The following RASAL2 variants were observed in gnomAD, a reference collection of about 807,000 sequenced individuals.
The protein encoded by RASAL2 is RAS protein activator like 2, also known as ras GTPase-activating protein nGAP.
RASAL2 carries 58 observed loss-of-function variants against 128.9 expected under a neutral mutation model. The observed-to-expected ratio is 0.45, with a 90% confidence interval of 0.36 to 0.56. RASAL2 has a LOEUF of 0.56. Ranked by LOEUF, RASAL2 falls within the 20% of genes least tolerant of loss-of-function variation. RASAL2 has a pLI of 0.00. For synonymous variants in RASAL2, 561 were observed against 580.8 expected (o/e 0.97, Z 0.49); for missense variants, 1,360 against 1,601.6 (o/e 0.85, Z 2.57).
intron 6 of RASAL2, among the ~76,000 whole-genome samples, chr1:178,440,129 A>G (rs1425007732): frequency 6.6e-6 from 1 of 152,100 alleles, no homozygotes; most frequent in African/African-American, 2.4e-5. Context: ...GCCAACTATC[A>G]TAAGGTAATT....
chr1:178,234,416 G>A (rs1454894110), intron 1 of RASAL2, among the ~76,000 whole-genome samples: 2 of 152,144 alleles, frequency 1.3e-5, no homozygotes, highest in Non-Finnish European at 2.9e-5. Flanking sequence ...AGCCAAGCAT[G>A]CAAATCTTGA....
intron 4 of RASAL2, among the ~76,000 whole-genome samples, chr1:178,418,948 C>G (rs1183020459): frequency 3.3e-5 from 5 of 152,118 alleles, no homozygotes; most frequent in African/African-American, 4.8e-5. Flanking sequence ...ACAGCATAGA[C>G]AGGATCCCAC....
chr1:178,449,856 A>G lies in RASAL2; in HGVS notation c.1628-1715A>G, dbSNP rs765090116. Among the ~76,000 whole-genome samples the G allele has an allele frequency of 9.9e-5, 15 of 152,154 alleles. 1 individual carries two copies. Among genetic ancestry groups the G allele is most frequent in the Non-Finnish European group, 4.4e-5 (3 of 67,984 alleles). ...ACTTTTCTTGAAGAATTAAAGAAAA[A>G]TATGGTTAATATTCATGTTTTTTAT... is the stretch of plus-strand genomic sequence containing the variant. On this transcript the variant is annotated intron_variant, in intron 9 of 17. Coordinates refer to ENST00000367649, the MANE Select transcript of RASAL2 (RefSeq NM_170692.4).
chr1:178,464,481 T>C, intron 15 of RASAL2, 69 bp downstream of exon 15: 1 of 1,568,964 alleles, frequency 6.4e-7, no homozygotes, highest in Non-Finnish European at 8.6e-7. Context: ...GTTATCTAGC[T>C]AAGAACATAA....
intron 1 of RASAL2, among the ~76,000 whole-genome samples, chr1:178,233,549 A>G (rs896386862): frequency 5.3e-5 from 8 of 152,220 alleles, no homozygotes; most frequent in African/African-American, 1.9e-4. Context: ...GTAATAAAGG[A>G]GACCTGGTTG....
chr1:178,112,521 G>A (rs148326179), intron 1 of RASAL2, among the ~76,000 whole-genome samples: 5,653 of 151,952 alleles, frequency 0.037, 158 homozygotes, highest in South Asian at 0.083. Context: ...CTGCACTCCC[G>A]CCTGGGTGAC....
At chr1:178,218,784 A>C (rs1316402575) in intron 1 of RASAL2, among the ~76,000 whole-genome samples, 1 of 152,248 alleles carries the variant, frequency 6.6e-6, no homozygotes, top group Non-Finnish European at 1.5e-5. Context: ...ATTTAGCATA[A>C]TTCATACGGG....
At chr1:178,172,743 C>T (rs918081944) in intron 1 of RASAL2, among the ~76,000 whole-genome samples, 1 of 152,014 alleles carries the variant, frequency 6.6e-6, no homozygotes, top group African/African-American at 2.4e-5. Context: ...AGTCCTTGCA[C>T]CTATGTGTAG....
chr1:178,251,383 G>T (rs73033476), intron 1 of RASAL2, among the ~76,000 whole-genome samples: 2,051 of 152,268 alleles, frequency 0.013, 48 homozygotes, highest in African/African-American at 0.046. Context: ...GAGTGTTGAT[G>T]CTTCCGTTAG....
rs138330334 is a variant in RASAL2 at position 178,106,660 on chromosome 1, T to C, written c.202+11966T>C. The stretch of plus-strand genomic sequence containing the variant: ...AAATTTATATTCCTGTTTTTGAATC[T>C]AGCTTGATAACATGATTAAGAAAAA... On this transcript the variant is annotated intron_variant, in intron 1 of 17. Coordinates refer to ENST00000367649, the MANE Select transcript of RASAL2 (RefSeq NM_170692.4). 2.6e-3 allele frequency among the ~76,000 whole-genome samples: 393 copies of C among 152,340 alleles called. 2 individuals are homozygous for C. The highest frequency in any genetic ancestry group is 9.0e-3 in the African/African-American group (376 of 41,582).
chr1:178,298,987 G>C (rs1357426663), intron 2 of RASAL2, among the ~76,000 whole-genome samples: 2 of 150,872 alleles, frequency 1.3e-5, no homozygotes, highest in Non-Finnish European at 3.0e-5. Context: ...AACCTGCTTT[G>C]TAAGTCTTAA....
Position 178,117,087 on chromosome 1 carries a change from C to T in RASAL2, c.202+22393C>T, listed in dbSNP as rs147644079. ...TAAGAAAGGTATTGTTCTTAATTTA[C>T]AGATTTATGCCATATATTGAAGAAC... On this transcript the variant is annotated intron_variant, in intron 1 of 17. Transcript: ENST00000367649. Among the ~76,000 whole-genome samples the T allele has an allele frequency of 3.3e-5, 5 of 152,206 alleles. No homozygotes were observed. The East Asian group carries it at 9.6e-4, about 29-fold the overall frequency.
chr1:178,412,774 G>C (rs1252375465), intron 4 of RASAL2, among the ~76,000 whole-genome samples: 1 of 152,116 alleles, frequency 6.6e-6, no homozygotes, highest in African/African-American at 2.4e-5. Flanking sequence ...GCTTAGTGTG[G>C]CCAAGTTTGA....
chr1:178,161,110 C>CT (rs1476884043), intron 1 of RASAL2, among the ~76,000 whole-genome samples: 24 of 8,902 alleles, frequency 2.7e-3, no homozygotes, highest in Middle Eastern at 0.05. Context: ...CCCTCAAATA[C>CT]TTTAAAAAAA....
At chr1:178,167,445 A>G (rs1661555951) in intron 1 of RASAL2, among the ~76,000 whole-genome samples, 1 of 152,128 alleles carries the variant, frequency 6.6e-6, no homozygotes, top group South Asian at 2.1e-4. Context: ...CAGTTACTTA[A>G]TAGAGAATAC....
At chr1:178,296,159 A>ATG (rs1182555520) in intron 2 of RASAL2, among the ~76,000 whole-genome samples, 2 of 127,694 alleles carry the variant, frequency 1.6e-5, no homozygotes, top group African/African-American at 4.8e-5. Flanking sequence ...ATGTGTATAT[A>ATG]TATGTGTGTG....
intron 1 of RASAL2, among the ~76,000 whole-genome samples, chr1:178,234,124 T>C (rs970974807): frequency 6.6e-6 from 1 of 152,228 alleles, no homozygotes; most frequent in Non-Finnish European, 1.5e-5. Context: ...TGTTAATTCT[T>C]GAACTCAATT....
chr1:178,306,725 A>G (rs142779954), intron 3 of RASAL2, among the ~76,000 whole-genome samples: 5,294 of 151,766 alleles, frequency 0.035, 110 homozygotes, highest in Middle Eastern at 0.065. Flanking sequence ...CATGTCCTTC[A>G]CCCACTTTTT....
chr1:178,226,832 C>T (rs1483611081), intron 1 of RASAL2, among the ~76,000 whole-genome samples: 3 of 152,098 alleles, frequency 2.0e-5, no homozygotes, highest in East Asian at 1.9e-4. Context: ...CCCAGCTATT[C>T]GGGAGGTTGA....
Sources: gnomAD v4.1 joint callset for allele counts (sites outside exome capture counted in the v4.1 genomes callset) on GRCh38, gnomAD v4.1.1 for gene constraint, MANE v1.5 for transcripts, NCBI Gene and HGNC (gene_info 2026-07-23, HGNC 2026-07-21) for gene names.